The following ABHD5 variants were observed in gnomAD, a reference collection of about 807,000 sequenced individuals.
ABHD5 encodes 1-acylglycerol-3-phosphate O-acyltransferase ABHD5.
In ABHD5, 30 loss-of-function variants were observed where a neutral mutation model predicts 44.9. That is an observed-to-expected ratio of 0.67 (90% CI 0.50 to 0.91). The LOEUF (loss-of-function observed/expected upper bound fraction) is 0.91, where lower values mean the gene tolerates loss of function less well. Among genes scored for constraint, ABHD5 ranks in the 40% least tolerant of loss-of-function variants. The pLI is 0.00. For missense variants in ABHD5, 399 were observed against 423.4 expected, an observed-to-expected ratio of 0.94 and a Z score of 0.50; for synonymous variants, 167 against 147.0, an observed-to-expected ratio of 1.14 and a Z score of -0.99.
intron 3 of ABHD5, among the ~76,000 whole-genome samples, chr3:43,703,581 T>C (rs191852146): frequency 2.4e-4 from 36 of 152,344 alleles, no homozygotes; most frequent in Admixed American, 1.2e-3. Context: ...CTCATCTTTG[T>C]TTTGATCATC....
At position 43,717,670 on chromosome 3, in the gene ABHD5, G is replaced by A. The variant is rs908673218; in HGVS notation, c.774-1G>A. On this transcript the variant is annotated splice_acceptor_variant, in intron 5 of 6. Transcript: ENST00000644371. LOFTEE classifies it high-confidence loss of function. ...TCGTGATTTTCTCCTTGCCGTTAAAGTGGTGAGACAGCTTTCAAGAATATG... is the reference window on the plus strand; with the variant it reads ...TCGTGATTTTCTCCTTGCCGTTAAAATGGTGAGACAGCTTTCAAGAATATG... 1 of 1,614,060 alleles carries A rather than the reference G, an allele frequency of 6.2e-7. No homozygotes were observed. The highest frequency in any genetic ancestry group is 8.5e-7 in the Non-Finnish European group (1 of 1,180,046).
chr3:43,700,753 T>TTTTTTTTTTTTCTTTTTTTTTG (rs1233667887), intron 2 of ABHD5, among the ~76,000 whole-genome samples: 1 of 152,072 alleles, frequency 6.6e-6, no homozygotes, highest in Non-Finnish European at 1.5e-5. Flanking sequence ...TTTGTATTTT[T>TTTTTTTTTTTTCTTTTTTTTTG]AGTAGAGATG....
chr3:43,703,213 T>C (rs537505863), intron 3 of ABHD5, among the ~76,000 whole-genome samples: 1 of 151,006 alleles, frequency 6.6e-6, no homozygotes, highest in Non-Finnish European at 1.5e-5. Flanking sequence ...AGAAGCTCGC[T>C]CTGTCACCCA....
At chr3:43,729,692 C>G (rs1259727560) in intron 7 of ABHD5, among the ~76,000 whole-genome samples, 1 of 152,160 alleles carries the variant, frequency 6.6e-6, no homozygotes, top group Non-Finnish European at 1.5e-5. Context: ...TTTGAGATAT[C>G]ACAAAGCTAC....
intron 6 of ABHD5, 51 bp downstream of exon 6, chr3:43,717,908 AT>A: frequency 6.2e-7 from 1 of 1,609,104 alleles, no homozygotes; most frequent in Non-Finnish European, 8.5e-7. Context: ...GGTCCGTTTT[AT>A]TATCTCCCTT....
chr3:43,694,718 G>A (rs2084449269), intron 1 of ABHD5, among the ~76,000 whole-genome samples: 1 of 151,920 alleles, frequency 6.6e-6, no homozygotes, highest in Non-Finnish European at 1.5e-5. Context: ...AGGTTGGGGG[G>A]GGAGGGGCAG....
chr3:43,731,443 C>T (rs899558056), intron 7 of ABHD5, among the ~76,000 whole-genome samples: 6 of 152,184 alleles, frequency 3.9e-5, no homozygotes, highest in African/African-American at 1.4e-4. Flanking sequence ...AACAAAATAA[C>T]AGTGTTCTTG....
At chr3:43,691,696 T>C (rs2149588664) in intron 1 of ABHD5, 1 of 152,332 alleles carries the variant, frequency 6.6e-6, no homozygotes, top group Non-Finnish European at 1.5e-5. Flanking sequence ...GCTGTGAGTT[T>C]CAGATACTTC....
At chr3:43,713,202 C>G (rs1207405346) in intron 4 of ABHD5, among the ~76,000 whole-genome samples, 1 of 151,552 alleles carries the variant, frequency 6.6e-6, no homozygotes, top group East Asian at 1.9e-4. Flanking sequence ...CCTGTAATCC[C>G]AGCTACTCAG....
rs1365741963 is a variant in ABHD5 at position 43,702,370 on chromosome 3, G to C, written c.289G>C (p.Asp97His). 6.2e-7 allele frequency: 1 copy of C among 1,614,228 alleles called. No individual in the cohort carries two copies. The highest frequency in any genetic ancestry group is 8.5e-7 in the Non-Finnish European group (1 of 1,180,034). The stretch of plus-strand genomic sequence containing the variant: ...TGGGCTCTGGGCACTGAATTTTGGA[G>C]ATCTTTGCACCAACAGACCTGTCTA... ...GLGLWALNFG[D>H]LCTNRPVYAF... The change falls in exon 3 of 7, where the codon GAT becomes CAT. Residue 97 changes from aspartate (D) to histidine (H), a missense_variant. Coordinates refer to ENST00000644371, the MANE Select transcript of ABHD5 (RefSeq NM_016006.6).
At chr3:43,712,494 C>T (rs1320436514) in intron 4 of ABHD5, among the ~76,000 whole-genome samples, 1 of 152,152 alleles carries the variant, frequency 6.6e-6, no homozygotes, top group Admixed American at 6.5e-5. Context: ...AGCCCCATAG[C>T]CATGGGAATT....
At chr3:43,701,150 T>TTATACAGATGGTTTTTA (rs2084537767) in intron 2 of ABHD5, among the ~76,000 whole-genome samples, 1 of 152,174 alleles carries the variant, frequency 6.6e-6, no homozygotes, top group Admixed American at 6.5e-5. Context: ...TCTCTAATAG[T>TTATACAGATGGTTTTTA]TATACAGATG....
intron 7 of ABHD5, among the ~76,000 whole-genome samples, chr3:43,733,049 C>T (rs1427362405): frequency 3.9e-5 from 6 of 152,204 alleles, no homozygotes; most frequent in African/African-American, 1.4e-4. Flanking sequence ...AGTGGAGAGT[C>T]TAACAAGACA....
rs537109104 is a variant in ABHD5 at position 43,706,737 on chromosome 3, C to T, written c.506+4150C>T. On this transcript the variant is annotated intron_variant, in intron 3 of 6. Transcript: ENST00000644371. ...TGCCGGGATTACAGGCATGAGACAC[C>T]GTGCTCAGCTGATAATGTTATTTTA... 2.2e-4 allele frequency among the ~76,000 whole-genome samples: 33 copies of T among 152,240 alleles called. No homozygotes were observed. The South Asian group carries it at 6.2e-3, about 29-fold the overall frequency.
At chr3:43,725,971 T>G (rs1300650524), downstream of ABHD5, among the ~76,000 whole-genome samples, 1 of 152,006 alleles carries the variant, frequency 6.6e-6, no homozygotes, top group African/African-American at 2.4e-5. Flanking sequence ...GTTCATGCCA[T>G]TCTCCTGCCT....
At chr3:43,696,845 G>A (rs1160437832) in intron 1 of ABHD5, among the ~76,000 whole-genome samples, 2 of 152,100 alleles carry the variant, frequency 1.3e-5, no homozygotes, top group African/African-American at 4.8e-5. Context: ...TCCATTAAGA[G>A]TAAAAATATC....
chr3:43,692,000 A>T (rs1291845927), intron 1 of ABHD5, among the ~76,000 whole-genome samples: 4 of 152,222 alleles, frequency 2.6e-5, no homozygotes, highest in Admixed American at 2.0e-4. Flanking sequence ...TTGTTAGTAG[A>T]AGAATAGTAG....
rs979899167 is a variant in ABHD5, at chr3:43,702,199, T to C, written c.134-16T>C. 1.3e-6 allele frequency: 2 copies of C among 1,571,726 alleles called. No individual in the cohort carries two copies. The highest frequency in any genetic ancestry group is 2.3e-5 in the East Asian group (1 of 44,130). On this transcript the variant is annotated splice_polypyrimidine_tract_variant and intron_variant, in intron 2 of 6. Transcript: ENST00000644371. Reference sequence around the variant, plus strand: ...TAATAAAATGAAACAGAATTTCTCTTTTATGTTTTCATTAGGTGTGCCTTG... The same window carrying C: ...TAATAAAATGAAACAGAATTTCTCTCTTATGTTTTCATTAGGTGTGCCTTG...
Position 43,699,286 on chromosome 3 carries a change from C to T in ABHD5, c.58C>T (p.Leu20=). Residue 20 remains leucine (L), a synonymous_variant, in exon 2 of 7, where the codon CTA becomes TTA. Transcript: ENST00000644371. ...SADTGERSGW[L]TGWLPTWCPT... ...TTTTTGGTGCTCTAGGTCAGGATGG[C>T]TAACTGGTTGGCTCCCCACATGGTG... 1 of 1,613,970 alleles carries T rather than the reference C, an allele frequency of 6.2e-7. No homozygotes were observed. The highest frequency in any genetic ancestry group is 1.1e-5 in the South Asian group (1 of 91,074).
Sources: gnomAD v4.1 joint callset for allele counts (sites outside exome capture counted in the v4.1 genomes callset) on GRCh38, gnomAD v4.1.1 for gene constraint, MANE v1.5 for transcripts, NCBI Gene and HGNC (gene_info 2026-07-23, HGNC 2026-07-21) for gene names.